The following MLLT10 variants were observed in gnomAD, a reference collection of about 807,000 sequenced individuals.
MLLT10 encodes the protein MLLT10 histone lysine methyltransferase DOT1L cofactor, also known as protein AF-10.
A neutral mutation model predicts 129.1 loss-of-function variants in MLLT10; 30 were observed. The ratio of observed to expected loss-of-function variants is 0.23; its 90% confidence interval spans 0.17 to 0.32. The LOEUF (loss-of-function observed/expected upper bound fraction) is 0.32. MLLT10 is among the 10% of genes least tolerant of loss of function. The probability of loss-of-function intolerance (pLI) is 1.00; values close to 1 mark genes in which losing one functional copy is unlikely to be tolerated. For synonymous variants in MLLT10, 490 were observed against 446.4 expected (o/e 1.10, Z -1.23); for missense variants, 1,119 against 1,268.3 (o/e 0.88, Z 1.79).
intron 4 of MLLT10, among the ~76,000 whole-genome samples, chr10:21,594,119 A>T (rs551591786): frequency 6.6e-6 from 1 of 151,614 alleles, no homozygotes; most frequent in East Asian, 1.9e-4. Context: ...TTGAGGGTCT[A>T]TGTACTTTTT....
At chr10:21,703,376 T>TG (rs987944829) in intron 13 of MLLT10, among the ~76,000 whole-genome samples, 32 of 152,096 alleles carry the variant, frequency 2.1e-4, no homozygotes, top group East Asian at 1.4e-3. Context: ...GTTAGTCTGA[T>TG]GGGGGGGTCT....
At chr10:21,739,262 C>T (rs1305786024) in intron 21 of MLLT10, among the ~76,000 whole-genome samples, 2 of 152,328 alleles carry the variant, frequency 1.3e-5, no homozygotes, top group Admixed American at 6.5e-5. Flanking sequence ...CGGGTCCTTG[C>T]TGCCACTGGA....
intron 12 of MLLT10, among the ~76,000 whole-genome samples, chr10:21,681,769 T>C (rs1589615491): frequency 2.0e-5 from 3 of 152,298 alleles, no homozygotes; most frequent in African/African-American, 4.8e-5. Context: ...GGCTTTCTTA[T>C]ACTGAAGTCT....
intron 16 of MLLT10, 107 bp downstream of exon 16, chr10:21,728,035 T>C (rs2057661663): frequency 1.2e-6 from 1 of 805,370 alleles, no homozygotes; most frequent in Non-Finnish European, 2.0e-6. Context: ...TATAAAAGCA[T>C]TCTACAGATA....
rs2041736457 is a variant in MLLT10, at chr10:21,584,026, C to T, written c.241-2268C>T. 4.6e-5 allele frequency among the ~76,000 whole-genome samples: 7 copies of T among 152,042 alleles called. No individual in the cohort carries two copies. In the South Asian group the frequency reaches 1.5e-3, roughly 32 times the overall value. On this transcript the variant is annotated intron_variant, in intron 3 of 22. Coordinates refer to ENST00000307729, the MANE Select transcript of MLLT10 (RefSeq NM_001195626.3). ...CTGGGACTACAGGCGCCTGCCACCA[C>T]GCCCGGCTAATTTTTTGTATTTTTA...
At position 21,743,138 on chromosome 10, in the gene MLLT10, A is replaced by T; in HGVS notation, c.*1155A>T. 1 of 230,314 alleles carries T rather than the reference A, an allele frequency of 4.3e-6. No homozygotes were observed. The highest frequency in any genetic ancestry group is 8.6e-6 in the Non-Finnish European group (1 of 116,072). The allele number at this position is 230,314 out of a possible 1,614,324, so 14.3% of individuals were successfully genotyped here. Reference sequence around the variant, plus strand: ...GACAGTACCGCAGAGTGATTCCCCCACTGAGGATGTCATCATCAAACTCTT... The same window carrying T: ...GACAGTACCGCAGAGTGATTCCCCCTCTGAGGATGTCATCATCAAACTCTT... On this transcript the variant is annotated 3_prime_UTR_variant, in exon 23 of 23. Transcript: ENST00000307729.
At chr10:21,662,055 G>A (rs1398222284) in intron 9 of MLLT10, among the ~76,000 whole-genome samples, 1 of 150,606 alleles carries the variant, frequency 6.6e-6, no homozygotes, top group Admixed American at 6.6e-5. Flanking sequence ...TTATTTCACT[G>A]TCTGCTTGAT....
In MLLT10 at chr10:21,617,053, G is replaced by T. The variant is rs947982629; in HGVS notation, c.604-59G>T. 9 of 759,006 alleles carry T rather than the reference G, an allele frequency of 1.2e-5. No individual in the cohort carries two copies. The Admixed American group carries it at 1.5e-4, about 12-fold the overall frequency. The allele number at this position is 759,006 out of a possible 1,614,324, so 47.0% of individuals were successfully genotyped here. ...TGAATTGGTTTAAGCCTAACAAAAA[G>T]ATTTGTTTAAAAAGTTTTATATACA... On this transcript the variant is annotated intron_variant, in intron 7 of 22. Transcript: ENST00000307729.
chr10:21,709,935 G>T (rs2131503665), intron 13 of MLLT10, among the ~76,000 whole-genome samples: 3 of 152,182 alleles, frequency 2.0e-5, no homozygotes, highest in Middle Eastern at 6.8e-3. Flanking sequence ...TTTTGGTAGA[G>T]ATAGGATTTC....
chr10:21,711,287 A>G (rs537964685), intron 13 of MLLT10, among the ~76,000 whole-genome samples: 2 of 152,042 alleles, frequency 1.3e-5, no homozygotes, highest in Non-Finnish European at 2.9e-5. Flanking sequence ...GCTGAGTGTG[A>G]TGGCACGTGC....
At chr10:21,659,158 T>G (rs1478183988) in intron 9 of MLLT10, among the ~76,000 whole-genome samples, 1 of 152,202 alleles carries the variant, frequency 6.6e-6, no homozygotes, top group Non-Finnish European at 1.5e-5. Flanking sequence ...GCTTATATTT[T>G]CATTCTTTTA....
intron 13 of MLLT10, among the ~76,000 whole-genome samples, chr10:21,713,506 A>AT (rs1032859947): frequency 1.3e-5 from 2 of 152,140 alleles, no homozygotes; most frequent in African/African-American, 2.4e-5. Flanking sequence ...TCCATGACAT[A>AT]TTTTTTACAA....
intron 5 of MLLT10, among the ~76,000 whole-genome samples, chr10:21,610,166 C>T (rs1043496796): frequency 3.3e-5 from 5 of 152,150 alleles, no homozygotes; most frequent in Admixed American, 3.3e-4. Context: ...GTTTGTTTCT[C>T]ATAATTAATA....
At chr10:21,609,659 AGTT>A (rs1273036795) in intron 5 of MLLT10, among the ~76,000 whole-genome samples, 19 of 152,244 alleles carry the variant, frequency 1.2e-4, no homozygotes, top group South Asian at 8.3e-4. Context: ...CTGGCTGTTC[AGTT>A]GTTGTACTTG....
chr10:21,693,760 G>A (rs186032400), intron 13 of MLLT10, among the ~76,000 whole-genome samples: 17 of 152,220 alleles, frequency 1.1e-4, no homozygotes, highest in Non-Finnish European at 1.6e-4. Flanking sequence ...ATTTGGATTT[G>A]AATACTGCCC....
intron 3 of MLLT10, among the ~76,000 whole-genome samples, chr10:21,542,483 C>T (rs2035346948): frequency 6.6e-6 from 1 of 152,156 alleles, no homozygotes; most frequent in African/African-American, 2.4e-5. Context: ...AGCAGGAGAT[C>T]CGCCCGAACC....
rs533486173 is a variant in MLLT10 at position 21,670,603 on chromosome 10, G to A, written c.950G>A (p.Gly317Glu). Residue 317 changes from glycine (G) to glutamate (E), a missense_variant, in exon 10 of 23, where the codon GGG (glycine) becomes GAG (glutamate). Physicochemically the swap from Gly to Glu is moderately conservative, Grantham distance 98. This residue lies in a region of MLLT10 where 1,004 missense variants were observed against 1,008.7 expected (regional missense o/e 1.00). Coordinates refer to ENST00000307729, the MANE Select transcript of MLLT10 (RefSeq NM_001195626.3). ...VSETRGSEGK[G>E]KKSSAHSSGQ... ...GAGACTAGAGGGTCAGAGGGCAAAG[G>A]GAAGAAATCTTCAGCTCACAGCTCA... 1.2e-6 allele frequency: 2 copies of A among 1,614,160 alleles called. No homozygotes were observed. Among genetic ancestry groups the A allele is most frequent in the South Asian group, 1.1e-5 (1 of 91,080 alleles).
At chr10:21,618,208 A>G (rs1166823008) in intron 8 of MLLT10, among the ~76,000 whole-genome samples, 1 of 152,140 alleles carries the variant, frequency 6.6e-6, no homozygotes. Flanking sequence ...CCAACAAATA[A>G]TTGTTTAAAA....
intron 13 of MLLT10, among the ~76,000 whole-genome samples, chr10:21,713,353 T>C (rs2056277947): frequency 1.3e-5 from 2 of 152,256 alleles, no homozygotes; most frequent in South Asian, 4.1e-4. Context: ...CAAGGTCTCT[T>C]CCTACTTCAG....
Sources: allele counts gnomAD v4.1 joint callset (sites outside exome capture counted in the v4.1 genomes callset), GRCh38; gene constraint gnomAD v4.1.1; regional missense constraint gnomAD v4.1.1; transcripts MANE v1.5; gene names NCBI Gene and HGNC (gene_info 2026-07-23, HGNC 2026-07-21).